The following ABI3BP variants were observed in gnomAD, a reference collection of about 807,000 sequenced individuals.
The protein encoded by ABI3BP is target of Nesh-SH3.
In ABI3BP, 216 loss-of-function variants were observed where a neutral mutation model predicts 268.6. The observed-to-expected ratio is 0.80, with a 90% CI of 0.72 to 0.90. The LOEUF is 0.90. Ranked by LOEUF, ABI3BP falls within the 40% of genes least tolerant of loss-of-function variation. The probability of loss-of-function intolerance (pLI) is 0.00; values close to 1 mark genes in which losing one functional copy is unlikely to be tolerated. For synonymous variants in ABI3BP, 730 were observed against 730.0 expected (o/e 1.00, Z 0.00); for missense variants, 2,090 against 2,182.4 (o/e 0.96, Z 0.84).
chr3:100,751,232 AAAT>A (rs1355399599), intron 67 of ABI3BP, among the ~76,000 whole-genome samples: 4 of 152,204 alleles, frequency 2.6e-5, no homozygotes, highest in East Asian at 1.9e-4. Flanking sequence ...AAGGAAATAA[AAAT>A]AACGCAAGTA....
chr3:100,883,167 A>G (rs1482045428), intron 6 of ABI3BP, among the ~76,000 whole-genome samples: 1 of 152,144 alleles, frequency 6.6e-6, no homozygotes, highest in Non-Finnish European at 1.5e-5. Flanking sequence ...GTTAAATAAA[A>G]TTCACAGAAT....
At chr3:100,911,499 T>C (rs926170039) in intron 2 of ABI3BP, 1 of 442,156 alleles carries the variant, frequency 2.3e-6, no homozygotes, top group African/African-American at 2.0e-5. Flanking sequence ...TTTTTCACTT[T>C]TTTTTGCATA....
intron 4 of ABI3BP, 28 bp from the exon 5 acceptor site, chr3:100,886,351 T>TA (rs1425489957): frequency 6.8e-7 from 1 of 1,477,636 alleles, no homozygotes; most frequent in South Asian, 1.4e-5. Context: ...TATAATGCTT[T>TA]AAAATCACAG....
In ABI3BP at chr3:100,750,272, A is replaced by ATGT. The variant is rs1458927929; in HGVS notation, c.*220_*222dup. The ATGT allele has an allele frequency of 2.6e-6, 1 of 379,356 alleles. No homozygotes were observed. The highest frequency in any genetic ancestry group is 4.7e-6 in the Non-Finnish European group (1 of 213,184). The allele number at this position is 379,356 out of a possible 1,614,324, so 23.5% of individuals were successfully genotyped here. On this transcript the variant is annotated 3_prime_UTR_variant, in exon 68 of 68. Coordinates refer to ENST00000471714, the MANE Select transcript of ABI3BP (RefSeq NM_001375547.2). ...GAATAGGGAGCCAGCTTCCCCAAAA[A>ATGT]TGTTATTCTGTTAACATCAGTATCT...
rs149884539 is a variant in ABI3BP, at chr3:100,952,263, T to C, written c.80-25782A>G. Among the ~76,000 whole-genome samples the C allele has an allele frequency of 7.3e-3, 1,105 of 152,302 alleles. 8 individuals carry two copies. The highest frequency in any genetic ancestry group is 0.025 in the African/African-American group (1,033 of 41,582). On this transcript the variant is annotated intron_variant, in intron 1 of 67. Coordinates refer to ENST00000471714, the MANE Select transcript of ABI3BP (RefSeq NM_001375547.2). ...ACAATATAGTTAATAACAATTCAAG[T>C]ATACTTGAAAATTGCTAAAAGTAGA...
chr3:100,858,618 T>C (rs1398860566), intron 14 of ABI3BP, among the ~76,000 whole-genome samples: 2 of 152,186 alleles, frequency 1.3e-5, no homozygotes, highest in Non-Finnish European at 2.9e-5. Context: ...AAATAAACTT[T>C]ACAAAAAGTA....
At chr3:100,804,912 TC>T in intron 50 of ABI3BP, 46 bp from the exon 51 acceptor site, 1 of 1,480,714 alleles carries the variant, frequency 6.8e-7, no homozygotes, top group Non-Finnish European at 9.4e-7. Context: ...TTCAGCATCT[TC>T]CAGTCATGCT....
chr3:100,764,091 T>C (rs149609242), intron 63 of ABI3BP, among the ~76,000 whole-genome samples: 2 of 152,320 alleles, frequency 1.3e-5, no homozygotes, highest in Non-Finnish European at 2.9e-5. Flanking sequence ...TATTTTTCAC[T>C]GCACACAACC....
intron 21 of ABI3BP, 57 bp from the exon 22 acceptor site, chr3:100,840,915 T>A: frequency 7.2e-7 from 1 of 1,396,892 alleles, no homozygotes; most frequent in Non-Finnish European, 9.7e-7. Flanking sequence ...AAAAATGACA[T>A]GTATTTAAAA....
chr3:100,919,562 TC>T (rs1278043631), intron 2 of ABI3BP, among the ~76,000 whole-genome samples: 3 of 152,236 alleles, frequency 2.0e-5, no homozygotes, highest in African/African-American at 7.2e-5. Context: ...ATCTGATCAA[TC>T]GTAAATCAAC....
intron 1 of ABI3BP, among the ~76,000 whole-genome samples, chr3:100,978,980 C>G (rs536432194): frequency 1.3e-5 from 2 of 152,270 alleles, no homozygotes; most frequent in Admixed American, 1.3e-4. Context: ...TTAGCAGATT[C>G]ACTAAGTCAG....
intron 2 of ABI3BP, among the ~76,000 whole-genome samples, chr3:100,916,756 A>G (rs1240344233): frequency 6.6e-6 from 1 of 152,152 alleles, no homozygotes; most frequent in East Asian, 1.9e-4. Context: ...CCTGTGGCAA[A>G]CCCTCCAACC....
intron 48 of ABI3BP, among the ~76,000 whole-genome samples, chr3:100,810,809 C>T (rs920523847): frequency 2.0e-5 from 3 of 152,030 alleles, no homozygotes; most frequent in African/African-American, 7.2e-5. Flanking sequence ...CTGAATTTCA[C>T]TTAAAGAATG....
intron 52 of ABI3BP, 94 bp downstream of exon 52, chr3:100,796,315 T>G (rs1449485134): frequency 5.2e-6 from 5 of 970,354 alleles, no homozygotes; most frequent in Non-Finnish European, 5.9e-6. Context: ...CTAAATTTCT[T>G]CCATATCACA....
intron 51 of ABI3BP, among the ~76,000 whole-genome samples, chr3:100,797,849 A>G (rs532523529): frequency 1.3e-5 from 2 of 152,250 alleles, no homozygotes; most frequent in African/African-American, 2.4e-5. Flanking sequence ...GGAAACTTTA[A>G]AAAGATTAGT....
chr3:100,759,116 C>T (rs940801405), intron 63 of ABI3BP, among the ~76,000 whole-genome samples: 6 of 152,160 alleles, frequency 3.9e-5, no homozygotes, highest in African/African-American at 1.2e-4. Context: ...TAACAAAAGT[C>T]TTACAAATCT....
chr3:100,859,444 C>A (rs941448838), intron 14 of ABI3BP, among the ~76,000 whole-genome samples: 5 of 152,102 alleles, frequency 3.3e-5, no homozygotes, highest in African/African-American at 1.2e-4. Context: ...TGTGGACCAC[C>A]ATTTAAACAC....
chr3:100,750,741 G>C (rs1247129573), intron 67 of ABI3BP, 131 bp from the exon 68 acceptor site: 1 of 631,972 alleles, frequency 1.6e-6, no homozygotes, highest in East Asian at 2.9e-5. Flanking sequence ...AGAAAACTGA[G>C]AGCAAGAAGT....
intron 8 of ABI3BP, 148 bp downstream of exon 8, chr3:100,875,360 G>A: frequency 1.6e-6 from 1 of 642,414 alleles, no homozygotes. Flanking sequence ...AGCCTGGAAT[G>A]GACACGAGCC....
Sources: gnomAD v4.1 joint callset for allele counts (sites outside exome capture counted in the v4.1 genomes callset) on GRCh38, gnomAD v4.1.1 for gene constraint, MANE v1.5 for transcripts, NCBI Gene and HGNC (gene_info 2026-07-23, HGNC 2026-07-21) for gene names.